GNG7: variants seen among roughly 807,000 people sequenced by gnomAD.
GNG7 encodes G protein subunit gamma 7, also known as guanine nucleotide-binding protein G(I)/G(S)/G(O) subunit gamma-7.
Under a neutral mutation model 4.0 loss-of-function variants are expected in GNG7, and 1 was observed. The observed-to-expected ratio is 0.25, with a 90% CI of 0.09 to 1.18. The LOEUF is 1.18. Ranked by LOEUF, GNG7 falls within the 50% of genes most tolerant of loss-of-function variation. The probability of loss-of-function intolerance (pLI) is 0.50; values close to 1 mark genes in which losing one functional copy is unlikely to be tolerated. For synonymous variants in GNG7, 34 were observed against 36.9 expected (o/e 0.92, Z 0.29); for missense variants, 86 against 91.9 (o/e 0.94, Z 0.26).
intron 2 of GNG7, among the ~76,000 whole-genome samples, chr19:2,584,111 GA>G (rs2144793564): frequency 6.6e-6 from 1 of 152,006 alleles, no homozygotes; most frequent in East Asian, 1.9e-4. Flanking sequence ...AGAAAGTAAG[GA>G]AACTCAAAGA....
chr19:2,696,324 AAGAAAGAAAG>A (rs1913254660), intron 1 of GNG7, among the ~76,000 whole-genome samples: 1 of 147,628 alleles, frequency 6.8e-6, no homozygotes, highest in Admixed American at 6.6e-5. Flanking sequence ...GAAAGAAAGA[AAGAAAGAAAG>A]AAAGAAAGAA....
chr19:2,529,340 C>T (rs1235013930), intron 3 of GNG7, among the ~76,000 whole-genome samples: 1 of 152,184 alleles, frequency 6.6e-6, no homozygotes, highest in Non-Finnish European at 1.5e-5. Flanking sequence ...CCTCAGCCTC[C>T]CGGAGTAGCT....
chr19:2,543,071 C>T (rs1388367425), intron 3 of GNG7, among the ~76,000 whole-genome samples: 1 of 151,848 alleles, frequency 6.6e-6, no homozygotes, highest in African/African-American at 2.4e-5. Flanking sequence ...CACCACCACA[C>T]CAGGCTTATT....
chr19:2,684,516 G>C (rs1230427790), intron 1 of GNG7, among the ~76,000 whole-genome samples: 1 of 152,068 alleles, frequency 6.6e-6, no homozygotes, highest in East Asian at 1.9e-4. Flanking sequence ...ACGTAGCGTG[G>C]TCCATACACA....
At chr19:2,690,292 G>C (rs774916590) in intron 1 of GNG7, among the ~76,000 whole-genome samples, 2 of 152,058 alleles carry the variant, frequency 1.3e-5, no homozygotes, top group Non-Finnish European at 2.9e-5. Context: ...TGAGGCAGGA[G>C]AATGGCCTGA....
At chr19:2,602,897 T>TTTTCTTTCTTTCTTTCTTTTCTTTCTTTC (rs767379416) in intron 2 of GNG7, among the ~76,000 whole-genome samples, 128 of 103,388 alleles carry the variant, frequency 1.2e-3, no homozygotes, top group African/African-American at 5.3e-3. Flanking sequence ...CTTTTTCTCT[T>TTTTCTTTCTTTCTTTCTTTTCTTTCTTTC]TTTCTTTCTT....
At chr19:2,551,328 G>A (rs754380510) in intron 3 of GNG7, among the ~76,000 whole-genome samples, 1 of 152,060 alleles carries the variant, frequency 6.6e-6, no homozygotes, top group Admixed American at 6.6e-5. Context: ...CAGACACCAC[G>A]GGCACATGCG....
intron 2 of GNG7, among the ~76,000 whole-genome samples, chr19:2,637,616 T>G (rs941331499): frequency 1.3e-5 from 2 of 152,124 alleles, no homozygotes; most frequent in Non-Finnish European, 2.9e-5. Context: ...GAGAACCCCT[T>G]CAAGGTCAGC....
At chr19:2,520,828 C>T (rs760497239) in intron 3 of GNG7, 103 bp from the exon 4 acceptor site, 15 of 602,746 alleles carry the variant, frequency 2.5e-5, no homozygotes, top group African/African-American at 1.8e-4. Flanking sequence ...CTAGGCACGG[C>T]CACTTTGCCT....
chr19:2,562,483 G>A (rs1979774157), intron 2 of GNG7, among the ~76,000 whole-genome samples: 1 of 152,010 alleles, frequency 6.6e-6, no homozygotes. Context: ...TAATACTCAT[G>A]ATTTCTGTTC....
chr19:2,576,865 C>G (rs565340826), intron 2 of GNG7, among the ~76,000 whole-genome samples: 1 of 151,594 alleles, frequency 6.6e-6, no homozygotes, highest in South Asian at 2.1e-4. Flanking sequence ...AAAATTTGTT[C>G]TAAAGACAGG....
At chr19:2,688,711 C>A (rs1186675213) in intron 1 of GNG7, among the ~76,000 whole-genome samples, 1 of 151,892 alleles carries the variant, frequency 6.6e-6, no homozygotes, top group East Asian at 1.9e-4. Context: ...GGTCCTGGGG[C>A]AGGAAAGGAC....
intron 4 of GNG7, among the ~76,000 whole-genome samples, chr19:2,517,874 C>T (rs1978291248): frequency 6.6e-6 from 1 of 152,186 alleles, no homozygotes; most frequent in South Asian, 2.1e-4. Flanking sequence ...GGGACCTGGG[C>T]CCTTCAAACG....
intron 2 of GNG7, among the ~76,000 whole-genome samples, chr19:2,606,569 C>T (rs559184552): frequency 3.9e-5 from 6 of 151,914 alleles, no homozygotes; most frequent in Non-Finnish European, 7.4e-5. Context: ...GCAGCAGAAT[C>T]GCTTGAACCC....
intron 1 of GNG7, among the ~76,000 whole-genome samples, chr19:2,655,023 CA>C (rs1408587362): frequency 1.3e-5 from 2 of 151,936 alleles, no homozygotes; most frequent in South Asian, 2.1e-4. Flanking sequence ...CCCATCTCTA[CA>C]AAAAAAATTT....
At chr19:2,620,386 C>T (rs1431770992) in intron 2 of GNG7, among the ~76,000 whole-genome samples, 1 of 151,990 alleles carries the variant, frequency 6.6e-6, no homozygotes, top group East Asian at 1.9e-4. Context: ...CTGTCCTGAT[C>T]CCCCAACCCA....
chr19:2,691,635 G>C (rs952568928), intron 1 of GNG7, among the ~76,000 whole-genome samples: 22 of 152,296 alleles, frequency 1.4e-4, no homozygotes, highest in African/African-American at 5.3e-4. Flanking sequence ...GGGAAGCCGA[G>C]GTGGAAGGAT....
intron 3 of GNG7, among the ~76,000 whole-genome samples, chr19:2,525,263 C>T (rs916377491): frequency 4.6e-5 from 7 of 152,188 alleles, no homozygotes; most frequent in Non-Finnish European, 1.0e-4. Context: ...CAAAGGTGCA[C>T]ACAGTCCCCA....
intron 3 of GNG7, among the ~76,000 whole-genome samples, chr19:2,553,407 T>TATATATATATATATATATATATAA (rs34862585): frequency 6.8e-6 from 1 of 146,654 alleles, no homozygotes; most frequent in African/African-American, 2.5e-5. Flanking sequence ...CATATATATA[T>TATATATATATATATATATATATAA]GTAATATACA....
Sources: allele counts gnomAD v4.1 joint callset (sites outside exome capture counted in the v4.1 genomes callset), GRCh38; gene constraint gnomAD v4.1.1; transcripts MANE v1.5; gene names NCBI Gene and HGNC (gene_info 2026-07-23, HGNC 2026-07-21).